F13A1: variants seen among roughly 807,000 people sequenced by gnomAD.
The protein encoded by F13A1 is coagulation factor XIII A chain, also known as FSF, A subunit.
F13A1 carries 47 observed loss-of-function variants against 80.1 expected under a neutral mutation model. The ratio of observed to expected loss-of-function variants is 0.59; its 90% CI spans 0.46 to 0.75. F13A1 has a LOEUF of 0.75. F13A1 is among the 30% of genes least tolerant of loss of function. The pLI is 0.00. For synonymous variants in F13A1, 349 were observed against 344.9 expected (o/e 1.01, Z -0.13); for missense variants, 817 against 930.4 (o/e 0.88, Z 1.59).
chr6:6,307,551 G>GA (rs1758530713), intron 2 of F13A1, among the ~76,000 whole-genome samples: 1 of 151,304 alleles, frequency 6.6e-6, no homozygotes, highest in South Asian at 2.1e-4. Flanking sequence ...GGGCTTTAAA[G>GA]TTTTTTTTTT....
intron 8 of F13A1, among the ~76,000 whole-genome samples, chr6:6,207,206 G>A (rs1261400807): frequency 1.3e-5 from 2 of 152,140 alleles, no homozygotes; most frequent in African/African-American, 4.8e-5. Flanking sequence ...CAGTAGCTTT[G>A]CAAACTTGCA....
At chr6:6,234,257 G>A (rs1447426786) in intron 6 of F13A1, among the ~76,000 whole-genome samples, 3 of 152,066 alleles carry the variant, frequency 2.0e-5, no homozygotes, top group South Asian at 2.1e-4. Context: ...CAAAGTTTCT[G>A]GATACAAGAT....
rs1464450626 is a variant in F13A1 at position 6,162,561 on chromosome 6, T to C, written c.1908+4897A>G. Among the ~76,000 whole-genome samples the C allele has an allele frequency of 6.6e-6, 1 of 152,180 alleles. No homozygotes were observed. Among genetic ancestry groups the C allele is most frequent in the Non-Finnish European group, 1.5e-5 (1 of 68,030 alleles). On this transcript the variant is annotated intron_variant, in intron 13 of 14. Coordinates refer to ENST00000264870, the MANE Select transcript of F13A1 (RefSeq NM_000129.4). This position sits in a 1 kb window ranked among gnomAD's most constrained non-coding sequence, Gnocchi z 4.2. ...TAGCCCAGCGGCTGCCAGCACAGGC[T>C]TCCAAGTCAGGAAGACCTGGGCCAG... is the stretch of plus-strand genomic sequence containing the variant.
intron 7 of F13A1, 114 bp downstream of exon 7, chr6:6,224,568 CCCAT>C: frequency 1.1e-6 from 1 of 916,936 alleles, no homozygotes; most frequent in Non-Finnish European, 1.7e-6. Flanking sequence ...GAATGGCTCA[CCCAT>C]AAATTCTATA....
At chr6:6,320,534 A>G in intron 1 of F13A1, 53 bp downstream of exon 1, 1 of 401,096 alleles carries the variant, frequency 2.5e-6, no homozygotes, top group Admixed American at 3.2e-5. Context: ...ACCGAGGTGC[A>G]GAAGGTGGAC....
intron 6 of F13A1, among the ~76,000 whole-genome samples, chr6:6,227,311 G>T (rs933889060): frequency 1.3e-5 from 2 of 152,232 alleles, no homozygotes; most frequent in African/African-American, 4.8e-5. Context: ...AGGTTAAAGT[G>T]AAGAAGAACT....
At chr6:6,232,127 C>T (rs1757361619) in intron 6 of F13A1, among the ~76,000 whole-genome samples, 1 of 152,070 alleles carries the variant, frequency 6.6e-6, no homozygotes, top group East Asian at 1.9e-4. Context: ...TGTAAATGGC[C>T]TAAATGCTAT....
intron 1 of F13A1, among the ~76,000 whole-genome samples, chr6:6,319,534 C>T (rs1369095504): frequency 6.6e-6 from 1 of 152,192 alleles, no homozygotes; most frequent in East Asian, 1.9e-4. Context: ...GGTCAGTGCC[C>T]AGTAAGTACT....
At chr6:6,269,509 A>C (rs1465290251) in intron 3 of F13A1, among the ~76,000 whole-genome samples, 1 of 152,010 alleles carries the variant, frequency 6.6e-6, no homozygotes, top group Non-Finnish European at 1.5e-5. Context: ...GAAAAAAAAA[A>C]GGGTTGCCAT....
intron 3 of F13A1, among the ~76,000 whole-genome samples, chr6:6,294,352 T>G (rs181893015): frequency 8.5e-5 from 13 of 152,294 alleles, no homozygotes; most frequent in Admixed American, 2.6e-4. Context: ...TACATCTTTC[T>G]CCCATGCTGG....
chr6:6,237,626 TCTTTA>T (rs1032940210), intron 6 of F13A1, among the ~76,000 whole-genome samples: 2 of 152,222 alleles, frequency 1.3e-5, no homozygotes, highest in African/African-American at 4.8e-5. Context: ...ACCCTGGGAA[TCTTTA>T]CTTATCACCT....
At chr6:6,227,424 T>A (rs894440599) in intron 6 of F13A1, among the ~76,000 whole-genome samples, 2 of 152,224 alleles carry the variant, frequency 1.3e-5, no homozygotes, top group Non-Finnish European at 2.9e-5. Flanking sequence ...GCCTTTGATA[T>A]AAATTTTGAC....
chr6:6,168,992 C>G (rs528311336), intron 12 of F13A1, among the ~76,000 whole-genome samples: 1 of 152,212 alleles, frequency 6.6e-6, no homozygotes, highest in Non-Finnish European at 1.5e-5. Flanking sequence ...TTTACAGATG[C>G]GTAAGTGCTG....
intron 4 of F13A1, among the ~76,000 whole-genome samples, chr6:6,262,649 G>A (rs140774021): frequency 2.5e-4 from 38 of 149,302 alleles, no homozygotes; most frequent in Middle Eastern, 3.5e-3. Context: ...CCTATCAAGC[G>A]TTTCATGCCC....
At chr6:6,274,031 T>C (rs1457344070) in intron 3 of F13A1, among the ~76,000 whole-genome samples, 2 of 152,250 alleles carry the variant, frequency 1.3e-5, no homozygotes, top group Admixed American at 6.5e-5. Context: ...CATTGCTAAG[T>C]TGCCATTGGC....
chr6:6,151,691 G>T, intron 14 of F13A1, 122 bp downstream of exon 14: 1 of 1,376,892 alleles, frequency 7.3e-7, no homozygotes, highest in Non-Finnish European at 1.0e-6. Flanking sequence ...TGGTCGGCAA[G>T]GAGGAGGCAG....
At chr6:6,197,446 A>T in intron 8 of F13A1, 120 bp from the exon 9 acceptor site, 1 of 887,024 alleles carries the variant, frequency 1.1e-6, no homozygotes, top group Non-Finnish European at 1.8e-6. Context: ...TTGGGAGGCC[A>T]AGGCAGGTGA....
intron 4 of F13A1, among the ~76,000 whole-genome samples, chr6:6,257,249 G>T (rs1438349722): frequency 1.3e-5 from 2 of 152,118 alleles, no homozygotes; most frequent in Non-Finnish European, 2.9e-5. Flanking sequence ...CATCAAAAGG[G>T]GTGGCAGATT....
chr6:6,244,812 AG>A (rs1757532655), intron 6 of F13A1, among the ~76,000 whole-genome samples: 1 of 152,192 alleles, frequency 6.6e-6, no homozygotes, highest in Non-Finnish European at 1.5e-5. Context: ...ACCAGAATCA[AG>A]GTCCAATCCC....
Sources: allele counts gnomAD v4.1 joint callset (sites outside exome capture counted in the v4.1 genomes callset), GRCh38; gene constraint gnomAD v4.1.1; non-coding constraint Gnocchi (gnomAD v3.1); transcripts MANE v1.5; gene names NCBI Gene and HGNC (gene_info 2026-07-23, HGNC 2026-07-21).